The following BTBD19 variants were observed in gnomAD, a reference collection of about 807,000 sequenced individuals.
BTBD19 encodes the protein BTB domain containing 19, also known as BTB/POZ domain-containing protein 19.
A neutral mutation model predicts 36.1 loss-of-function variants in BTBD19; 20 were observed. That is an observed-to-expected ratio of 0.55 (90% CI 0.39 to 0.80). The LOEUF (loss-of-function observed/expected upper bound fraction) is 0.80, where lower values mean the gene tolerates loss of function less well. Among genes scored for constraint, BTBD19 ranks in the 30% least tolerant of loss-of-function variants. The pLI is 0.00. For missense variants in BTBD19, 325 were observed against 389.8 expected, an observed-to-expected ratio of 0.83 and a Z score of 1.40; for synonymous variants, 157 against 174.3, an observed-to-expected ratio of 0.90 and a Z score of 0.78.
At position 44,810,081 on chromosome 1, in the gene BTBD19, T is replaced by C; in HGVS notation, c.87-132T>C. 2.5e-6 allele frequency: 2 copies of C among 804,728 alleles called. No individual in the cohort carries two copies. The highest frequency in any genetic ancestry group is 2.0e-6 in the Non-Finnish European group (1 of 498,076). 49.8% of individuals were successfully genotyped at this position (804,728 alleles called of 1,614,324 possible). A position where few individuals can be genotyped will look rare whatever the true frequency, so the allele number is the denominator to read the frequency against. On this transcript the variant is annotated intron_variant, in intron 1 of 7. Coordinates refer to ENST00000450269, the Ensembl canonical transcript of BTBD19. This position sits in a 1 kb window ranked among gnomAD's most constrained non-coding sequence, Gnocchi z 4.2. ...TCAGGGCTTTGGGTCCCAGACCTTC[T>C]GCTGGAGGGACGAAGCCCTGTCTCT...
chr1:44,813,100 G>T lies in BTBD19; in HGVS notation c.483+36G>T. 1.3e-6 allele frequency: 2 copies of T among 1,544,610 alleles called. No individual in the cohort carries two copies. Among genetic ancestry groups the T allele is most frequent in the South Asian group, 2.4e-5 (2 of 83,638 alleles). ...CTTCATACTCCTCACCCTACGCACC[G>T]CATTCTGCTCCTCCCTGACCCATTT... is the stretch of plus-strand genomic sequence containing the variant. On this transcript the variant is annotated intron_variant, in intron 5 of 7. Transcript: ENST00000450269. The surrounding 1 kb of genome is among the most constrained non-coding windows in gnomAD (Gnocchi z 7.8).
In BTBD19 at chr1:44,810,945, C is replaced by T. The variant is rs1038869424; in HGVS notation, c.354+338C>T. On this transcript the variant is annotated intron_variant, in intron 3 of 7. Transcript: ENST00000450269. This position sits in a 1 kb window ranked among gnomAD's most constrained non-coding sequence, Gnocchi z 4.2. ...CATAAGAAGTGTGATAGAGGCCGGG[C>T]GCAGTGGCTCACGCCTGTAATCCCA... 6.6e-6 allele frequency among the ~76,000 whole-genome samples: 1 copy of T among 152,086 alleles called. No individual in the cohort carries two copies. Among genetic ancestry groups the T allele is most frequent in the African/African-American group, 2.4e-5 (1 of 41,406 alleles).
Position 44,813,148 on chromosome 1 carries a change from G to C in BTBD19, c.494G>C (p.Arg165Pro). The C allele has an allele frequency of 1.3e-6, 2 of 1,542,180 alleles. No individual in the cohort carries two copies. Among genetic ancestry groups the C allele is most frequent in the Non-Finnish European group, 8.7e-7 (1 of 1,144,328 alleles). ...TTTGCCGGCTCGCAGGAGGCCCTCC[G>C]GACCCGAGGCTTCCTGGAGCTGTCG... Residue 165 changes from arginine (R) to proline (P), a missense_variant, in exon 6 of 8, where the codon CGG (arginine) becomes CCG (proline). Transcript: ENST00000450269. This position sits in a 1 kb window ranked among gnomAD's most constrained non-coding sequence, Gnocchi z 7.8.
In BTBD19 at chr1:44,813,247, G is replaced by A. The variant is rs1652516622; in HGVS notation, c.593G>A (p.Arg198Gln). The A allele has an allele frequency of 4.6e-6, 7 of 1,537,890 alleles. No individual in the cohort carries two copies. Among genetic ancestry groups the A allele is most frequent in the Middle Eastern group, 1.7e-4 (1 of 5,974 alleles). The change falls in exon 6 of 8, where the codon CGA (arginine) becomes CAA (glutamine). Residue 198 changes from arginine (R) to glutamine (Q), a missense_variant. Coordinates refer to ENST00000450269, the Ensembl canonical transcript of BTBD19. This position sits in a 1 kb window ranked among gnomAD's most constrained non-coding sequence, Gnocchi z 7.8. ...GAGGCTGAACTGGTCCGCGCGGCCC[G>A]AAGCTGGGCGCGCGTGGGCGCGGTG...
chr1:44,813,251 C>T lies in BTBD19; in HGVS notation c.597C>T (p.Ser199=). 2 of 1,537,500 alleles carry T rather than the reference C, an allele frequency of 1.3e-6. No homozygotes were observed. Among genetic ancestry groups the T allele is most frequent in the Non-Finnish European group, 1.7e-6 (2 of 1,143,422 alleles). ...CTGAACTGGTCCGCGCGGCCCGAAG[C>T]TGGGCGCGCGTGGGCGCGGTGAGTG... The change falls in exon 6 of 8, where the codon AGC becomes AGT. Residue 199 remains serine, a synonymous_variant. Transcript: ENST00000450269. This position sits in a 1 kb window ranked among gnomAD's most constrained non-coding sequence, Gnocchi z 7.8.
downstream of BTBD19, chr1:44,814,698 A>G (rs1334406667): frequency 2.0e-5 from 3 of 151,042 alleles, no homozygotes; most frequent in Non-Finnish European, 2.9e-5. Flanking sequence ...GATTACAGAC[A>G]TGCACCACAA....
At chr1:44,809,678 C>G (rs1192549762) in intron 1 of BTBD19, among the ~76,000 whole-genome samples, 1 of 152,206 alleles carries the variant, frequency 6.6e-6, no homozygotes, top group Non-Finnish European at 1.5e-5. Flanking sequence ...CGGAAGTGAT[C>G]ATGAAGATGG....
At position 44,813,599 on chromosome 1, in the gene BTBD19, C is replaced by T; in HGVS notation, c.742-39C>T. ...GGCCCACGGTCCTCGGGGCGAGGGG[C>T]CACCGCGGGACTGCGCACTAACTGG... On this transcript the variant is annotated intron_variant, in intron 7 of 7. Transcript: ENST00000450269. This position sits in a 1 kb window ranked among gnomAD's most constrained non-coding sequence, Gnocchi z 7.8. The T allele has an allele frequency of 6.5e-7, 1 of 1,538,390 alleles. No individual in the cohort carries two copies. Among genetic ancestry groups the T allele is most frequent in the Non-Finnish European group, 8.8e-7 (1 of 1,137,998 alleles).
chr1:44,808,875 C>G, exon 1 of BTBD19: 1 of 1,550,508 alleles, frequency 6.4e-7, no homozygotes, highest in Non-Finnish European at 8.7e-7. Context: ...TTCCGCAGCA[C>G]TCCGAAGCCT....
In BTBD19 at chr1:44,810,391, C is replaced by T; in HGVS notation, c.265C>T (p.Leu89=). ...GGCCTTCCTGGCAGTGCTGGAGTTC[C>T]TATATACCAACAGTGTCAAGCTGTA... The change falls in exon 2 of 8, where the codon CTA becomes TTA. Residue 89 remains leucine, a synonymous_variant. Transcript: ENST00000450269. The surrounding 1 kb of genome is among the most constrained non-coding windows in gnomAD (Gnocchi z 4.2). 1 of 1,551,654 alleles carries T rather than the reference C, an allele frequency of 6.4e-7. No individual in the cohort carries two copies. Among genetic ancestry groups the T allele is most frequent in the Non-Finnish European group, 8.7e-7 (1 of 1,146,956 alleles).
rs1307299764 is a variant in BTBD19 at position 44,813,692 on chromosome 1, G to A, written c.796G>A (p.Ala266Thr). Reference sequence around the variant, plus strand: ...CCATGCCCTGCGGAGAGGGGATGAGGCCCGGGGCGCCCCGTGTCGCCGCCG... The same window carrying A: ...CCATGCCCTGCGGAGAGGGGATGAGACCCGGGGCGCCCCGTGTCGCCGCCG... The change falls in exon 8 of 8, where the codon GCC becomes ACC. Residue 266 changes from alanine (A) to threonine (T), a missense_variant. By Grantham distance (58) the Ala-to-Thr change is moderately conservative (BLOSUM62 0). Coordinates refer to ENST00000450269, the Ensembl canonical transcript of BTBD19. The surrounding 1 kb of genome is among the most constrained non-coding windows in gnomAD (Gnocchi z 7.8). 6.4e-7 allele frequency: 1 copy of A among 1,551,316 alleles called. No homozygotes were observed. The highest frequency in any genetic ancestry group is 1.4e-5 in the African/African-American group (1 of 73,052).
In BTBD19 at chr1:44,810,550, A is replaced by G. The variant is rs1371404289; in HGVS notation, c.301-4A>G. ...TTCCACTCCCCCAACCACCCACTCT[A>G]CAGGTGCTGGAAGTGCTGACAGCGG... is the stretch of plus-strand genomic sequence containing the variant. On this transcript the variant is annotated splice_polypyrimidine_tract_variant and splice_region_variant and intron_variant, in intron 2 of 7. Coordinates refer to ENST00000450269, the Ensembl canonical transcript of BTBD19. The surrounding 1 kb of genome is among the most constrained non-coding windows in gnomAD (Gnocchi z 4.2). The G allele has an allele frequency of 1.9e-6, 3 of 1,550,508 alleles. No homozygotes were observed. The highest frequency in any genetic ancestry group is 2.6e-6 in the Non-Finnish European group (3 of 1,146,790).
In BTBD19 at chr1:44,813,872, C is replaced by T; in HGVS notation, c.*100C>T. ...TCGGCGTTCGGAGCGGGCTTCCGTTCCCAGCGTGCCCAGTGAGCCGGGCGC... is the reference window on the plus strand; with the variant it reads ...TCGGCGTTCGGAGCGGGCTTCCGTTTCCAGCGTGCCCAGTGAGCCGGGCGC... On this transcript the variant is annotated 3_prime_UTR_variant, in exon 8 of 8. Transcript: ENST00000450269. The surrounding 1 kb of genome is among the most constrained non-coding windows in gnomAD (Gnocchi z 7.8). 6.7e-7 allele frequency: 1 copy of T among 1,483,026 alleles called. No individual in the cohort carries two copies. The highest frequency in any genetic ancestry group is 9.2e-7 in the Non-Finnish European group (1 of 1,091,458). 91.9% of individuals were successfully genotyped at this position (1,483,026 alleles called of 1,614,324 possible).
chr1:44,812,938 G>A (rs1365796575), intron 4 of BTBD19, 58 bp from the exon 5 acceptor site: 2 of 1,444,192 alleles, frequency 1.4e-6, no homozygotes, highest in African/African-American at 1.4e-5. Context: ...GTCCCAGTGA[G>A]CAGGCTGGGC....
Position 44,813,084 on chromosome 1 carries a change from C to T in BTBD19, c.483+20C>T, listed in dbSNP as rs574781820. The T allele has an allele frequency of 3.2e-6, 5 of 1,549,034 alleles. No individual in the cohort carries two copies. Among genetic ancestry groups the T allele is most frequent in the East Asian group, 4.9e-5 (2 of 40,850 alleles). ...AGCCAGGTACTGCTCCCTTCATACT[C>T]CTCACCCTACGCACCGCATTCTGCT... On this transcript the variant is annotated intron_variant, in intron 5 of 7. Coordinates refer to ENST00000450269, the Ensembl canonical transcript of BTBD19. This position sits in a 1 kb window ranked among gnomAD's most constrained non-coding sequence, Gnocchi z 7.8.
At chr1:44,812,963 T>C in intron 4 of BTBD19, 33 bp from the exon 5 acceptor site, 1 of 1,526,320 alleles carries the variant, frequency 6.6e-7, no homozygotes, top group Non-Finnish European at 8.9e-7. Flanking sequence ...GCCTCTCCAG[T>C]CTCCAACCTG....
At chr1:44,811,824 A>C (rs1652429241) in intron 3 of BTBD19, 1 of 351,954 alleles carries the variant, frequency 2.8e-6, no homozygotes, top group Non-Finnish European at 5.8e-6. Context: ...ATGTACTAGA[A>C]GGTGGGTGGC....
chr1:44,812,114 C>T lies in BTBD19; in HGVS notation c.414+16C>T, dbSNP rs1322586751. On this transcript the variant is annotated intron_variant, in intron 4 of 7. Transcript: ENST00000450269. Reference sequence around the variant, plus strand: ...GGCCCTGCAGGTGGGTGCTGCTGGACAGGCATGGTAGGAGTCTGGCTCTGT... The same window carrying T: ...GGCCCTGCAGGTGGGTGCTGCTGGATAGGCATGGTAGGAGTCTGGCTCTGT... 1 of 1,301,114 alleles carries T rather than the reference C, an allele frequency of 7.7e-7. No individual in the cohort carries two copies. Among genetic ancestry groups the T allele is most frequent in the East Asian group, 5.6e-5 (1 of 18,014 alleles). 80.6% of individuals were successfully genotyped at this position (1,301,114 alleles called of 1,614,324 possible). A position where few individuals can be genotyped will look rare whatever the true frequency, so the allele number is the denominator to read the frequency against.
chr1:44,810,628 C>T lies in BTBD19; in HGVS notation c.354+21C>T. On this transcript the variant is annotated intron_variant, in intron 3 of 7. Transcript: ENST00000450269. This position sits in a 1 kb window ranked among gnomAD's most constrained non-coding sequence, Gnocchi z 4.2. Reference sequence around the variant, plus strand: ...GAGAGGTGGGTTTTTGTGCCAGGTCCCTGTCTCATTTCCCTTGCTTCTCAC... The same window carrying T: ...GAGAGGTGGGTTTTTGTGCCAGGTCTCTGTCTCATTTCCCTTGCTTCTCAC... 1 of 1,528,078 alleles carries T rather than the reference C, an allele frequency of 6.5e-7. No homozygotes were observed. The highest frequency in any genetic ancestry group is 8.8e-7 in the Non-Finnish European group (1 of 1,134,150). The allele number at this position is 1,528,078 out of a possible 1,614,324, so 94.7% of individuals were successfully genotyped here. A position where few individuals can be genotyped will look rare whatever the true frequency, so the allele number is the denominator to read the frequency against.
Sources: gnomAD v4.1 joint callset for allele counts (sites outside exome capture counted in the v4.1 genomes callset) on GRCh38, gnomAD v4.1.1 for gene constraint, Gnocchi (gnomAD v3.1) non-coding constraint, MANE v1.5 for transcripts, NCBI Gene and HGNC (gene_info 2026-07-23, HGNC 2026-07-21) for gene names.